The following ATP2B4 variants were observed in gnomAD, a reference collection of about 807,000 sequenced individuals.
ATP2B4 encodes the protein plasma membrane calcium-transporting ATPase 4.
In ATP2B4, 39 loss-of-function variants were observed where a neutral mutation model predicts 110.3. The observed-to-expected ratio is 0.35, with a 90% CI of 0.27 to 0.46. ATP2B4 has a LOEUF of 0.46. Ranked by LOEUF, ATP2B4 falls within the 20% of genes least tolerant of loss-of-function variation. ATP2B4 has a pLI of 1.00. For missense variants in ATP2B4, 1,135 were observed against 1,530.9 expected (o/e 0.74, Z 4.32); for synonymous variants, 538 against 571.7 (o/e 0.94, Z 0.84).
chr1:203,683,348 A>G lies in ATP2B4; in HGVS notation c.143A>G (p.Tyr48Cys), dbSNP rs1665073776. ...GCACTGACCCAGATTAATGTCCACT[A>G]TGGAGGTGTACAGAATCTCTGCAGT... ...RDALTQINVH[Y>C]GGVQNLCSRL... The change falls in exon 2 of 21, where the codon TAT becomes TGT. Residue 48 changes from tyrosine (Y) to cysteine (C), a missense_variant. Transcript: ENST00000357681. 5.6e-6 allele frequency: 9 copies of G among 1,614,062 alleles called. No homozygotes were observed. Among genetic ancestry groups the G allele is most frequent in the South Asian group, 2.2e-5 (2 of 91,088 alleles).
At chr1:203,707,607 C>A (rs1057511400) in intron 9 of ATP2B4, among the ~76,000 whole-genome samples, 8 of 152,064 alleles carry the variant, frequency 5.3e-5, no homozygotes, top group Non-Finnish European at 1.2e-4. Flanking sequence ...CTTTTTGTAT[C>A]TTTTACAGAG....
chr1:203,634,308 T>A (rs1023387208), intron 1 of ATP2B4, among the ~76,000 whole-genome samples: 3 of 152,218 alleles, frequency 2.0e-5, no homozygotes, highest in Admixed American at 1.3e-4. Context: ...TCCTTCTGTC[T>A]ACTGAAACTT....
At position 203,699,746 on chromosome 1, in the gene ATP2B4, C is replaced by T. The variant is rs746075249; in HGVS notation, c.649+29C>T. Reference sequence around the variant, plus strand: ...AGAGCTCCGTGTTTCTTTTGCTTACCCCACCACCACCCCCATTTAAGGGAT... The same window carrying T: ...AGAGCTCCGTGTTTCTTTTGCTTACTCCACCACCACCCCCATTTAAGGGAT... On this transcript the variant is annotated intron_variant, in intron 4 of 20. Coordinates refer to ENST00000357681, the MANE Select transcript of ATP2B4 (RefSeq NM_001684.5). 4.4e-6 allele frequency: 7 copies of T among 1,608,908 alleles called. No individual in the cohort carries two copies. In the Admixed American group the frequency reaches 8.3e-5, roughly 19 times the overall value.
intron 1 of ATP2B4, among the ~76,000 whole-genome samples, chr1:203,640,337 G>A (rs1663588507): frequency 6.6e-6 from 1 of 152,012 alleles, no homozygotes; most frequent in South Asian, 2.1e-4. Context: ...CCTTTTTTGA[G>A]ACAGGGTTTC....
chr1:203,714,149 G>C, intron 14 of ATP2B4, 22 bp from the exon 15 acceptor site: 1 of 1,611,436 alleles, frequency 6.2e-7, no homozygotes, highest in Middle Eastern at 1.7e-4. Flanking sequence ...AAAGCTCACT[G>C]TGGTGTGTCT....
At chr1:203,711,476 T>C (rs1306912274) in intron 12 of ATP2B4, among the ~76,000 whole-genome samples, 1 of 152,140 alleles carries the variant, frequency 6.6e-6, no homozygotes, top group African/African-American at 2.4e-5. Flanking sequence ...GATTGAAAAG[T>C]CTCTGCTTCT....
intron 1 of ATP2B4, among the ~76,000 whole-genome samples, chr1:203,628,320 G>A (rs1205994043): frequency 1.3e-5 from 2 of 152,156 alleles, no homozygotes; most frequent in Non-Finnish European, 2.9e-5. Flanking sequence ...GGTACCCGCC[G>A]CTCTTCTCCA....
intron 1 of ATP2B4, among the ~76,000 whole-genome samples, chr1:203,641,302 G>T (rs926517765): frequency 7.2e-5 from 11 of 152,214 alleles, no homozygotes; most frequent in African/African-American, 2.7e-4. Context: ...GCTGATTCCA[G>T]CTTAGATCTG....
chr1:203,638,197 G>A (rs1663516839), intron 1 of ATP2B4, among the ~76,000 whole-genome samples: 1 of 152,136 alleles, frequency 6.6e-6, no homozygotes, highest in African/African-American at 2.4e-5. Context: ...CTGGAGAATC[G>A]GATACTCTGG....
intron 18 of ATP2B4, among the ~76,000 whole-genome samples, chr1:203,723,418 A>ATCTCTC (rs1491262777): frequency 6.3e-4 from 42 of 66,456 alleles, no homozygotes; most frequent in African/African-American, 2.3e-3. Flanking sequence ...TTTGAGACAG[A>ATCTCTC]TATCTCTCTC....
At chr1:203,720,500 C>A (rs368374386) in intron 15 of ATP2B4, 49 bp from the exon 16 acceptor site, 3 of 1,537,776 alleles carry the variant, frequency 2.0e-6, no homozygotes, top group Non-Finnish European at 2.6e-6. Flanking sequence ...GGAAATGGAG[C>A]CTGGGCTTTA....
At chr1:203,671,251 TGTGA>T (rs1435712290) in intron 1 of ATP2B4, among the ~76,000 whole-genome samples, 2 of 152,360 alleles carry the variant, frequency 1.3e-5, no homozygotes, top group African/African-American at 4.8e-5. Context: ...GTTGTGTGTA[TGTGA>T]GTGTGTGCAT....
At position 203,640,812 on chromosome 1, in the gene ATP2B4, A is replaced by C. The variant is rs182232402; in HGVS notation, c.-465+13593A>C. Among the ~76,000 whole-genome samples the C allele has an allele frequency of 2.0e-5, 3 of 152,314 alleles. No homozygotes were observed. The East Asian group carries it at 5.8e-4, about 29-fold the overall frequency. ...TTCATAAACCATAAGGCTAAGATGCACCCTTAGTTTAGCCCATTTATAGAT... is the reference window on the plus strand; with the variant it reads ...TTCATAAACCATAAGGCTAAGATGCCCCCTTAGTTTAGCCCATTTATAGAT... On this transcript the variant is annotated intron_variant, in intron 1 of 20. Coordinates refer to ENST00000357681, the MANE Select transcript of ATP2B4 (RefSeq NM_001684.5).
At chr1:203,707,768 T>C in intron 9 of ATP2B4, 94 bp from the exon 10 acceptor site, 2 of 1,508,834 alleles carry the variant, frequency 1.3e-6, no homozygotes, top group Non-Finnish European at 1.8e-6. Flanking sequence ...GAAGATGAAA[T>C]GTGGAGAGAT....
At chr1:203,649,608 CA>C (rs1470829241) in intron 1 of ATP2B4, among the ~76,000 whole-genome samples, 1 of 152,004 alleles carries the variant, frequency 6.6e-6, no homozygotes, top group African/African-American at 2.4e-5. Context: ...CCATCTCTAC[CA>C]AAACCAAAAC....
intron 1 of ATP2B4, among the ~76,000 whole-genome samples, chr1:203,668,859 T>A (rs959768549): frequency 1.3e-5 from 2 of 151,930 alleles, no homozygotes; most frequent in Non-Finnish European, 2.9e-5. Flanking sequence ...ATGAGAGAGA[T>A]TGAGAGATTG....
At chr1:203,704,117 TTTAA>T (rs1235853148) in intron 8 of ATP2B4, among the ~76,000 whole-genome samples, 1 of 152,230 alleles carries the variant, frequency 6.6e-6, no homozygotes, top group Non-Finnish European at 1.5e-5. Flanking sequence ...GAAGGAAGAC[TTTAA>T]TAACTGCTTA....
rs759460032 is a variant in ATP2B4 at position 203,698,238 on chromosome 1, C to T, written c.275C>T (p.Thr92Ile). 1.9e-5 allele frequency: 30 copies of T among 1,614,204 alleles called. No homozygotes were observed. The South Asian group carries it at 3.0e-4, about 16-fold the overall frequency. The change falls in exon 3 of 21, where the codon ACT (threonine) becomes ATT (isoleucine). Residue 92 changes from threonine (T) to isoleucine (I), a missense_variant. By Grantham distance (89) the Thr-to-Ile change is moderately conservative. Around this residue, in one of 9 missense-constraint regions of ATP2B4, gnomAD observed 122 missense variants for 125.2 expected, o/e 0.97. Transcript: ENST00000357681. ...GTGATCCCCCCCAAAAAGCCCAAGACTTTCTTAGAATTAGTGTGGGAAGCT... is the reference window on the plus strand; with the variant it reads ...GTGATCCCCCCCAAAAAGCCCAAGATTTTCTTAGAATTAGTGTGGGAAGCT... The part of the protein sequence containing the change: ...HNVIPPKKPK[T>I]FLELVWEALQ...
chr1:203,721,460 G>A (rs1319473502), intron 17 of ATP2B4, 50 bp downstream of exon 17: 3 of 1,572,148 alleles, frequency 1.9e-6, no homozygotes, highest in African/African-American at 1.4e-5. Context: ...TTGGAGGTGG[G>A]GGCAGAGAAA....
Sources: allele counts gnomAD v4.1 joint callset (sites outside exome capture counted in the v4.1 genomes callset), GRCh38; gene constraint gnomAD v4.1.1; regional missense constraint gnomAD v4.1.1; transcripts MANE v1.5; gene names NCBI Gene and HGNC (gene_info 2026-07-23, HGNC 2026-07-21).